The following ASTN2 variants were observed in gnomAD, a reference collection of about 807,000 sequenced individuals.
ASTN2 encodes astrotactin 2.
A neutral mutation model predicts 139.8 loss-of-function variants in ASTN2; 54 were observed. The ratio of observed to expected loss-of-function variants is 0.39; its 90% confidence interval spans 0.31 to 0.48. ASTN2 has a LOEUF of 0.48. Among genes scored for constraint, ASTN2 ranks in the 20% least tolerant of loss-of-function variants. The pLI is 0.95. For missense variants in ASTN2, 1,565 were observed against 1,725.1 expected (o/e 0.91, Z 1.64); for synonymous variants, 756 against 719.5 (o/e 1.05, Z -0.81).
At chr9:117,256,226 C>T (rs146198328) in intron 2 of ASTN2, among the ~76,000 whole-genome samples, 30 of 152,234 alleles carry the variant, frequency 2.0e-4, no homozygotes, top group African/African-American at 6.5e-4. Context: ...GCTTCCTCCT[C>T]CTATGCTTTC....
intron 11 of ASTN2, among the ~76,000 whole-genome samples, chr9:116,863,301 TA>T (rs1408304259): frequency 3.3e-5 from 5 of 152,254 alleles, no homozygotes; most frequent in African/African-American, 1.2e-4. Flanking sequence ...AAATGGACTG[TA>T]AGCTTCTGAA....
At chr9:117,399,061 G>A (rs10983646) in intron 1 of ASTN2, among the ~76,000 whole-genome samples, 49,590 of 152,056 alleles carry the variant, frequency 0.33, 8,529 homozygotes, top group Non-Finnish European at 0.4. Context: ...TGGGATTACA[G>A]GCGTGAGCCA....
At chr9:117,049,498 T>C (rs1386632723) in intron 5 of ASTN2, among the ~76,000 whole-genome samples, 1 of 152,168 alleles carries the variant, frequency 6.6e-6, no homozygotes, top group Non-Finnish European at 1.5e-5. Flanking sequence ...AGGTTGTAAA[T>C]AATATTAGCA....
intron 3 of ASTN2, among the ~76,000 whole-genome samples, chr9:117,163,137 G>A (rs1588031367): frequency 6.6e-6 from 1 of 152,032 alleles, no homozygotes; most frequent in Non-Finnish European, 1.5e-5. Context: ...AGTAGGGGAG[G>A]AGGTAAGTGA....
chr9:117,055,446 T>A (rs1345376037), intron 5 of ASTN2, among the ~76,000 whole-genome samples: 3 of 152,162 alleles, frequency 2.0e-5, no homozygotes, highest in Non-Finnish European at 2.9e-5. Context: ...GTAACACACA[T>A]ATTTTATTTA....
At chr9:116,531,007 AAATT>A (rs1244345016) in intron 19 of ASTN2, among the ~76,000 whole-genome samples, 5 of 152,216 alleles carry the variant, frequency 3.3e-5, no homozygotes, top group Non-Finnish European at 5.9e-5. Context: ...AAAAAACAGA[AAATT>A]AATCCCTGAT....
intron 2 of ASTN2, among the ~76,000 whole-genome samples, chr9:117,252,484 A>C (rs1225811031): frequency 6.6e-6 from 1 of 152,216 alleles, no homozygotes; most frequent in East Asian, 1.9e-4. Context: ...CACTACCACC[A>C]AGGACAGAGC....
intron 20 of ASTN2, among the ~76,000 whole-genome samples, chr9:116,446,266 G>T (rs1412548079): frequency 5.4e-5 from 4 of 74,338 alleles, no homozygotes; most frequent in Non-Finnish European, 9.4e-5. Flanking sequence ...GAGAGAGAGA[G>T]AGAGATAGAG....
intron 10 of ASTN2, among the ~76,000 whole-genome samples, chr9:116,973,400 T>C (rs1279318410): frequency 6.6e-6 from 1 of 152,144 alleles, no homozygotes; most frequent in Admixed American, 6.5e-5. Flanking sequence ...AGAATTAAAC[T>C]TGGCCACCAT....
chr9:116,789,920 C>CTTTTTTTT (rs57433960), intron 13 of ASTN2, among the ~76,000 whole-genome samples: 19 of 93,320 alleles, frequency 2.0e-4, no homozygotes, highest in East Asian at 2.9e-4. Context: ...TTCTCTTTCT[C>CTTTTTTTT]TTTTTTTTTT....
At chr9:116,526,436 A>G (rs1025989239) in intron 19 of ASTN2, among the ~76,000 whole-genome samples, 8 of 151,602 alleles carry the variant, frequency 5.3e-5, no homozygotes, top group Non-Finnish European at 1.0e-4. Context: ...ACATGGTAAA[A>G]CCCCGTATCT....
chr9:117,092,896 G>A (rs761481859), intron 5 of ASTN2, among the ~76,000 whole-genome samples: 1 of 152,082 alleles, frequency 6.6e-6, no homozygotes, highest in Non-Finnish European at 1.5e-5. Flanking sequence ...AGGGAAGAAA[G>A]AACCCATCAG....
chr9:116,621,255 T>C (rs1856131574), intron 17 of ASTN2, among the ~76,000 whole-genome samples: 1 of 152,190 alleles, frequency 6.6e-6, no homozygotes, highest in Non-Finnish European at 1.5e-5. Flanking sequence ...GATGATACTT[T>C]ACATGAATTG....
rs144543826 is a variant in ASTN2, at chr9:117,246,555, T to C, written c.631-31813A>G. Among the ~76,000 whole-genome samples, 116 of 152,286 alleles carry C rather than the reference T, an allele frequency of 7.6e-4. No individual in the cohort carries two copies. In the East Asian group the frequency reaches 0.012, roughly 16 times the overall value. The stretch of plus-strand genomic sequence containing the variant: ...ATAAAATGACTTGTAATTTGTAAAA[T>C]GCTGTAAAATTGTCCATTCAATAAC... On this transcript the variant is annotated intron_variant, in intron 2 of 22. Transcript: ENST00000313400.
chr9:117,155,504 GAGAGAC>G (rs5900271), intron 3 of ASTN2, among the ~76,000 whole-genome samples: 25,968 of 151,592 alleles, frequency 0.17, 2,269 homozygotes, highest in African/African-American at 0.2. Flanking sequence ...GACAGAGAGA[GAGAGAC>G]AGAGACAGAG....
chr9:117,255,556 C>T (rs1833662372), intron 2 of ASTN2, among the ~76,000 whole-genome samples: 2 of 152,096 alleles, frequency 1.3e-5, no homozygotes, highest in Non-Finnish European at 2.9e-5. Flanking sequence ...GGACAATATT[C>T]GAAAGGCTCA....
intron 17 of ASTN2, among the ~76,000 whole-genome samples, chr9:116,621,443 A>G (rs757849713): frequency 4.5e-4 from 20 of 44,264 alleles, no homozygotes; most frequent in Admixed American, 1.5e-3. Context: ...ACATGCACGC[A>G]CACACACACA....
At chr9:116,902,541 G>T (rs968300557) in intron 10 of ASTN2, among the ~76,000 whole-genome samples, 2 of 151,944 alleles carry the variant, frequency 1.3e-5, no homozygotes, top group Non-Finnish European at 2.9e-5. Flanking sequence ...GCAATTTGCT[G>T]TATAGGTTTA....
At position 117,291,420 on chromosome 9, in the gene ASTN2, C is replaced by A. The variant is rs751867538; in HGVS notation, c.536G>T (p.Ser179Ile). Residue 179 changes from serine to isoleucine, a missense_variant, in exon 2 of 23, where the codon AGC (serine) becomes ATC (isoleucine). By Grantham distance (142) the Ser-to-Ile change is moderately radical (BLOSUM62 -2). This residue lies in a region of ASTN2 where 596 missense variants were observed against 576.8 expected (regional missense o/e 1.03). Coordinates refer to ENST00000313400, the MANE Select transcript of ASTN2 (RefSeq NM_001365068.1). The stretch of plus-strand genomic sequence containing the variant: ...GGTGGCTTGGGCCAGCTGCCCGGAG[C>A]TGCTCATGGAGACGTGGAAGTACAA... Reference protein sequence around the residue: ...GTLYFHVSMSSSGQLAQATAP... With the variant: ...GTLYFHVSMSISGQLAQATAP... The A allele has an allele frequency of 6.2e-7, 1 of 1,614,222 alleles. No homozygotes were observed. The highest frequency in any genetic ancestry group is 8.5e-7 in the Non-Finnish European group (1 of 1,180,038).
Sources: gnomAD v4.1 joint callset for allele counts (sites outside exome capture counted in the v4.1 genomes callset) on GRCh38, gnomAD v4.1.1 for gene constraint, gnomAD v4.1.1 regional missense constraint, MANE v1.5 for transcripts, NCBI Gene and HGNC (gene_info 2026-07-23, HGNC 2026-07-21) for gene names.